The following MOB1B variants were observed in gnomAD, a reference collection of about 807,000 sequenced individuals.
MOB1B encodes the protein MOB kinase activator 1B.
MOB1B carries 19 observed loss-of-function variants against 24.4 expected under a neutral mutation model. The ratio of observed to expected loss-of-function variants is 0.78; its 90% confidence interval spans 0.54 to 1.14. The LOEUF (loss-of-function observed/expected upper bound fraction) is 1.14, where lower values mean the gene tolerates loss of function less well. MOB1B is among the 50% of genes most tolerant of loss of function. The pLI is 0.00. For missense variants in MOB1B, 243 were observed against 259.6 expected (o/e 0.94, Z 0.44); for synonymous variants, 76 against 82.1 (o/e 0.93, Z 0.40).
intron 1 of MOB1B, among the ~76,000 whole-genome samples, chr4:70,925,096 T>C (rs1736596007): frequency 6.6e-6 from 1 of 152,114 alleles, no homozygotes; most frequent in African/African-American, 2.4e-5. Flanking sequence ...CAGGCCAGAG[T>C]GCAATGGCGC....
rs72854130 is a variant in MOB1B, at chr4:70,965,024, G to A, written c.182-4907G>A. 2.9e-3 allele frequency among the ~76,000 whole-genome samples: 447 copies of A among 151,798 alleles called. 4 individuals are homozygous for A. The highest frequency in any genetic ancestry group is 0.01 in the African/African-American group (432 of 41,426). On this transcript the variant is annotated intron_variant, in intron 2 of 5. Transcript: ENST00000309395. The stretch of plus-strand genomic sequence containing the variant: ...TACAATAAAGGGAATTGGGCTCGGC[G>A]TGGTAGCTCACACCTATAATCCCAA...
intron 4 of MOB1B, chr4:70,976,592 T>A: frequency 1.0e-6 from 1 of 985,162 alleles, no homozygotes; most frequent in Non-Finnish European, 1.2e-6. Flanking sequence ...AATCTGCTCC[T>A]GTAATGTTAG....
chr4:70,976,997 C>T (rs1188980306), intron 4 of MOB1B, among the ~76,000 whole-genome samples: 1 of 152,022 alleles, frequency 6.6e-6, no homozygotes, highest in African/African-American at 2.4e-5. Context: ...CTCTTTCACA[C>T]ATACACATAC....
intron 1 of MOB1B, among the ~76,000 whole-genome samples, chr4:70,923,891 G>C (rs891613695): frequency 3.5e-5 from 5 of 141,366 alleles, no homozygotes; most frequent in Non-Finnish European, 7.5e-5. Flanking sequence ...AGCTTGCAGT[G>C]AGCCGAGATC....
chr4:70,904,924 C>G (rs956976303), intron 1 of MOB1B, among the ~76,000 whole-genome samples: 1 of 152,122 alleles, frequency 6.6e-6, no homozygotes, highest in African/African-American at 2.4e-5. Context: ...TAGTTTGTTT[C>G]TCCTGAAGGT....
chr4:70,949,933 CA>C (rs1478102344), intron 1 of MOB1B, among the ~76,000 whole-genome samples: 1 of 151,006 alleles, frequency 6.6e-6, no homozygotes, highest in African/African-American at 2.4e-5. Context: ...AATAAAATTA[CA>C]AAGGGGTGGA....
intron 2 of MOB1B, among the ~76,000 whole-genome samples, chr4:70,959,906 C>T (rs186447126): frequency 2.6e-5 from 4 of 151,848 alleles, no homozygotes; most frequent in East Asian, 3.9e-4. Context: ...ATTTTGAGAT[C>T]GACTCTTGCT....
chr4:70,918,877 CA>C (rs1211026587), intron 1 of MOB1B, among the ~76,000 whole-genome samples: 1 of 152,100 alleles, frequency 6.6e-6, no homozygotes, highest in Non-Finnish European at 1.5e-5. Flanking sequence ...TTTATTGCGG[CA>C]CTATTCACAA....
intron 1 of MOB1B, among the ~76,000 whole-genome samples, chr4:70,945,225 C>G (rs1737529074): frequency 6.6e-6 from 1 of 152,174 alleles, no homozygotes; most frequent in South Asian, 2.1e-4. Context: ...CCCCTTAGTT[C>G]AGTGCCCAGA....
In MOB1B at chr4:70,902,525, C is replaced by A; in HGVS notation, c.-12C>A. 6.4e-7 allele frequency: 1 copy of A among 1,564,398 alleles called. No homozygotes were observed. The highest frequency in any genetic ancestry group is 2.4e-5 in the East Asian group (1 of 42,306). ...CGCGACCGCCGAGCCTGCAGCCTGCCCCGCGGCCAACATGAGCTTCTTGTT... is the reference window on the plus strand; with the variant it reads ...CGCGACCGCCGAGCCTGCAGCCTGCACCGCGGCCAACATGAGCTTCTTGTT... On this transcript the variant is annotated 5_prime_UTR_variant, in exon 1 of 6. Transcript: ENST00000309395.
chr4:70,907,657 C>T (rs995309337), intron 1 of MOB1B, among the ~76,000 whole-genome samples: 1 of 152,012 alleles, frequency 6.6e-6, no homozygotes, highest in Admixed American at 6.6e-5. Flanking sequence ...GGCAGAACCC[C>T]CATCTCTACC....
intron 1 of MOB1B, among the ~76,000 whole-genome samples, chr4:70,929,679 T>C (rs1404511306): frequency 1.4e-5 from 2 of 141,430 alleles, no homozygotes; most frequent in African/African-American, 5.3e-5. Context: ...GGAGTCTCAC[T>C]CTGTCGCCCA....
rs1560622491 is a variant in MOB1B at position 70,902,402 on chromosome 4, A to G, written c.-135A>G. On this transcript the variant is annotated 5_prime_UTR_variant, in exon 1 of 6. Coordinates refer to ENST00000309395, the MANE Select transcript of MOB1B (RefSeq NM_173468.4). ...TAGCTGAGCCGAACTAGTTGCGGCC[A>G]CCGAGCAGCCGGCTCTCGGCACCTC... The G allele has an allele frequency of 5.4e-6, 5 of 930,756 alleles. No homozygotes were observed. The East Asian group carries it at 1.1e-4, about 20-fold the overall frequency. The allele number at this position is 930,756 out of a possible 1,614,324, so 57.7% of individuals were successfully genotyped here.
intron 2 of MOB1B, 93 bp from the exon 3 acceptor site, chr4:70,969,838 A>C (rs1168940706): frequency 3.3e-6 from 2 of 608,808 alleles, no homozygotes; most frequent in Non-Finnish European, 5.6e-6. Context: ...TAGGGGAACG[A>C]ACGCCAATAA....
intron 1 of MOB1B, among the ~76,000 whole-genome samples, chr4:70,944,809 C>T (rs1381128621): frequency 6.6e-6 from 1 of 152,034 alleles, no homozygotes; most frequent in African/African-American, 2.4e-5. Flanking sequence ...ATGCCACAGA[C>T]TTTTAAATGA....
intron 1 of MOB1B, chr4:70,950,798 G>T: frequency 6.6e-7 from 1 of 1,522,276 alleles, no homozygotes; most frequent in South Asian, 1.2e-5. Context: ...AGGAGCTACT[G>T]ATGTGAATGA....
At chr4:70,927,003 GA>G (rs11461406) in intron 1 of MOB1B, among the ~76,000 whole-genome samples, 6 of 141,146 alleles carry the variant, frequency 4.3e-5, no homozygotes, top group African/African-American at 5.3e-5. Context: ...TCTCAAAAAA[GA>G]AAAAAAAAAA....
At chr4:70,914,970 A>G (rs763656356) in intron 1 of MOB1B, among the ~76,000 whole-genome samples, 2 of 152,138 alleles carry the variant, frequency 1.3e-5, no homozygotes, top group East Asian at 3.8e-4. Flanking sequence ...TATGAATCCT[A>G]TGTTTAGGAT....
chr4:70,928,684 G>A (rs1005524306), intron 1 of MOB1B, among the ~76,000 whole-genome samples: 2 of 152,034 alleles, frequency 1.3e-5, no homozygotes, highest in African/African-American at 4.8e-5. Context: ...AGATTTTAGG[G>A]AAAATATTAA....
Sources: gnomAD v4.1 joint callset for allele counts (sites outside exome capture counted in the v4.1 genomes callset) on GRCh38, gnomAD v4.1.1 for gene constraint, MANE v1.5 for transcripts, NCBI Gene and HGNC (gene_info 2026-07-23, HGNC 2026-07-21) for gene names.